PRMT7: variants seen among roughly 807,000 people sequenced by gnomAD.
PRMT7 encodes protein arginine methyltransferase 7.
A neutral mutation model predicts 85.4 loss-of-function variants in PRMT7; 75 were observed. The observed-to-expected ratio is 0.88, with a 90% CI of 0.73 to 1.06. The LOEUF is 1.06. PRMT7 is among the 50% of genes least tolerant of loss of function. PRMT7 has a pLI of 0.00. For synonymous variants in PRMT7, 397 were observed against 359.5 expected (o/e 1.10, Z -1.18); for missense variants, 868 against 915.2 (o/e 0.95, Z 0.67).
chr16:68,340,502 A>G (rs1423550095), intron 9 of PRMT7, among the ~76,000 whole-genome samples: 1 of 151,912 alleles, frequency 6.6e-6, no homozygotes, highest in East Asian at 1.9e-4. Context: ...GGTTGCTTGA[A>G]CCCAGGAAGT....
intron 6 of PRMT7, among the ~76,000 whole-genome samples, chr16:68,331,096 C>T (rs1036997886): frequency 3.3e-5 from 5 of 152,296 alleles, no homozygotes; most frequent in Admixed American, 3.3e-4. Flanking sequence ...CCTCATAACC[C>T]TTTCTATCAG....
At chr16:68,339,759 T>G in intron 8 of PRMT7, 29 bp from the exon 9 acceptor site, 1 of 1,605,372 alleles carries the variant, frequency 6.2e-7, no homozygotes, top group Non-Finnish European at 8.5e-7. Context: ...GGTTAAACTC[T>G]GCTTACATTC....
chr16:68,321,760 A>G (rs907401941), intron 4 of PRMT7: 20 of 275,174 alleles, frequency 7.3e-5, no homozygotes, highest in Non-Finnish European at 1.2e-4. Context: ...TAACAAATCT[A>G]CCGCCTCATA....
intron 16 of PRMT7, 113 bp from the exon 17 acceptor site, chr16:68,355,610 G>T: frequency 8.7e-7 from 1 of 1,145,140 alleles, no homozygotes; most frequent in South Asian, 2.3e-5. Flanking sequence ...GCATCTTTAT[G>T]GGAGAACGCA....
rs200007262 is a variant in PRMT7 at position 68,321,487 on chromosome 16, C to G, written c.132+25C>G. ...AGTAAGTGTAAAAGGAAACTATTAT[C>G]TTGATGTGGGGTGTTTTGAAGTCTT... On this transcript the variant is annotated intron_variant, in intron 4 of 18. Coordinates refer to ENST00000441236, the MANE Select transcript of PRMT7 (RefSeq NM_019023.5). 3.8e-6 allele frequency: 6 copies of G among 1,588,256 alleles called. No individual in the cohort carries two copies. The East Asian group carries it at 1.3e-4, about 36-fold the overall frequency.
chr16:68,335,679 C>T (rs544368769), intron 6 of PRMT7, among the ~76,000 whole-genome samples: 73 of 151,846 alleles, frequency 4.8e-4, no homozygotes, highest in African/African-American at 1.6e-3. Context: ...ATGGTCAGAA[C>T]GGAGGGCTCA....
chr16:68,328,782 T>G (rs1387415045), intron 5 of PRMT7, among the ~76,000 whole-genome samples: 1 of 152,164 alleles, frequency 6.6e-6, no homozygotes, highest in Non-Finnish European at 1.5e-5. Context: ...CCTGGCTTTT[T>G]GGCGTCCTCT....
chr16:68,358,833 T>G (rs1197566361), downstream of PRMT7: 3 of 152,450 alleles, frequency 2.0e-5, no homozygotes, highest in African/African-American at 4.8e-5. Flanking sequence ...AATGGTTCAC[T>G]TTAAAAAATC....
At chr16:68,324,353 C>A (rs2082853321) in intron 4 of PRMT7, 1 of 333,664 alleles carries the variant, frequency 3.0e-6, no homozygotes, top group Non-Finnish European at 5.6e-6. Flanking sequence ...AGCAAGCCTG[C>A]TCTGTCCTCC....
chr16:68,314,002 T>G lies in PRMT7; in HGVS notation c.-84+1826T>G, dbSNP rs116782125. On this transcript the variant is annotated intron_variant, in intron 2 of 18. Transcript: ENST00000441236. ...GAGGGCCTTGTTCGTAGGAAGTCAG[T>G]ATTGTTTTGTGGAACATTTAGTTGT... is the stretch of plus-strand genomic sequence containing the variant. 2.5e-3 allele frequency among the ~76,000 whole-genome samples: 377 copies of G among 152,356 alleles called. 3 individuals are homozygous for G. Among genetic ancestry groups the G allele is most frequent in the African/African-American group, 8.6e-3 (358 of 41,580 alleles).
intron 16 of PRMT7, among the ~76,000 whole-genome samples, chr16:68,354,094 T>G (rs1402764083): frequency 1.3e-5 from 2 of 152,080 alleles, no homozygotes; most frequent in Non-Finnish European, 2.9e-5. Context: ...TGCTGTGTAT[T>G]AAGGAAATGC....
chr16:68,339,480 C>A lies in PRMT7; in HGVS notation c.663C>A (p.Gly221=), dbSNP rs531083026. 5.0e-6 allele frequency: 8 copies of A among 1,614,194 alleles called. No individual in the cohort carries two copies. In the East Asian group the frequency reaches 1.8e-4, roughly 36 times the overall value. Residue 221 remains glycine (G), a synonymous_variant, in exon 8 of 19, where the codon GGC becomes GGA. Transcript: ENST00000441236. ...CCGTTGACGTGGAGAGCTGCCCTGG[C>A]GCACCCTCTGTCTGTGACATTCAGC... ...VPPVDVESCP[G]APSVCDIQLN...
chr16:68,318,324 T>C (rs1567634506), intron 3 of PRMT7, among the ~76,000 whole-genome samples: 1 of 151,788 alleles, frequency 6.6e-6, no homozygotes, highest in Non-Finnish European at 1.5e-5. Flanking sequence ...CTCAGCCTCT[T>C]GAGTAGCTGG....
At position 68,348,379 on chromosome 16, in the gene PRMT7, T is replaced by A. The variant is rs375976443; in HGVS notation, c.1361T>A (p.Ile454Asn). ...KANHLEDKIN[I>N]IEKRPELLTN... Reference sequence around the variant, plus strand: ...AACCACTTGGAAGATAAAATTAACATCATAGAGAAACGGCCGGAATTATTA... The same window carrying A: ...AACCACTTGGAAGATAAAATTAACAACATAGAGAAACGGCCGGAATTATTA... The change falls in exon 14 of 19, where the codon ATC becomes AAC. Residue 454 changes from isoleucine to asparagine, a missense_variant. Ile to Asn is a moderately radical substitution (Grantham distance 149, BLOSUM62 -3). Transcript: ENST00000441236. The A allele has an allele frequency of 3.1e-6, 5 of 1,611,634 alleles. No individual in the cohort carries two copies. Among genetic ancestry groups the A allele is most frequent in the Non-Finnish European group, 3.4e-6 (4 of 1,177,896 alleles).
rs1297686697 is a variant in PRMT7, at chr16:68,356,568, G to A, written c.1812-133G>A. ...TCTGAGGAACGTTTATGTAACTGCA[G>A]CACTAGGAACTCCCGGCAGGGCAGG... On this transcript the variant is annotated intron_variant, in intron 17 of 18. Coordinates refer to ENST00000441236, the MANE Select transcript of PRMT7 (RefSeq NM_019023.5). The A allele has an allele frequency of 2.9e-5, 20 of 680,614 alleles. No individual in the cohort carries two copies. The Admixed American group carries it at 3.6e-4, about 12-fold the overall frequency. The allele number at this position is 680,614 out of a possible 1,614,324, so 42.2% of individuals were successfully genotyped here.
At chr16:68,337,393 T>C in intron 6 of PRMT7, 66 bp from the exon 7 acceptor site, 1 of 1,112,704 alleles carries the variant, frequency 9.0e-7, no homozygotes, top group Non-Finnish European at 1.4e-6. Context: ...ATCTTTCCCA[T>C]ATTTGCTGTA....
At position 68,358,405 on chromosome 16, in the gene PRMT7, C is replaced by T. The variant is rs967048943; in HGVS notation, c.*1181C>T. ...AGTAAGGAAAAAGAACACCTCTCTT[C>T]GCAAAATATTTTATCAGGTGTAAAG... is the stretch of plus-strand genomic sequence containing the variant. On this transcript the variant is annotated 3_prime_UTR_variant, in exon 19 of 19. Transcript: ENST00000441236. The T allele has an allele frequency of 3.3e-5, 5 of 152,696 alleles. No homozygotes were observed. Among genetic ancestry groups the T allele is most frequent in the African/African-American group, 2.4e-5 (1 of 41,442 alleles). 9.5% of individuals were successfully genotyped at this position (152,696 alleles called of 1,614,324 possible).
intron 6 of PRMT7, among the ~76,000 whole-genome samples, chr16:68,330,730 G>A (rs2083754069): frequency 6.6e-6 from 1 of 151,966 alleles, no homozygotes; most frequent in Non-Finnish European, 1.5e-5. Flanking sequence ...GAGTAGCTGG[G>A]ATTACAGGCG....
intron 4 of PRMT7, chr16:68,321,829 C>G (rs1434919636): frequency 5.5e-6 from 1 of 183,058 alleles, no homozygotes; most frequent in African/African-American, 2.3e-5. Flanking sequence ...TTTAAGTGTA[C>G]ATTATTAACT....
Sources: gnomAD v4.1 joint callset for allele counts (sites outside exome capture counted in the v4.1 genomes callset) on GRCh38, gnomAD v4.1.1 for gene constraint, MANE v1.5 for transcripts, NCBI Gene and HGNC (gene_info 2026-07-23, HGNC 2026-07-21) for gene names.